The following PHLDB2 variants were observed in gnomAD, a reference collection of about 807,000 sequenced individuals.
The protein encoded by PHLDB2 is pleckstrin homology-like domain family B member 2.
A neutral mutation model predicts 123.6 loss-of-function variants in PHLDB2; 71 were observed. The ratio of observed to expected loss-of-function variants is 0.57; its 90% CI spans 0.47 to 0.70. PHLDB2 has a LOEUF of 0.70. Ranked by LOEUF, PHLDB2 falls within the 30% of genes least tolerant of loss-of-function variation. The probability of loss-of-function intolerance (pLI) is 0.00; values close to 1 mark genes in which losing one functional copy is unlikely to be tolerated. For synonymous variants in PHLDB2, 547 were observed against 541.6 expected (o/e 1.01, Z -0.14); for missense variants, 1,446 against 1,519.5 (o/e 0.95, Z 0.80).
chr3:111,774,205 C>A (rs892481082), intron 1 of PHLDB2, among the ~76,000 whole-genome samples: 1 of 152,144 alleles, frequency 6.6e-6, no homozygotes, highest in African/African-American at 2.4e-5. Context: ...CTCTTGGGAG[C>A]TCTAGGTAGG....
At position 111,967,793 on chromosome 3, in the gene PHLDB2, A is replaced by G; in HGVS notation, c.3284A>G (p.Glu1095Gly). 6.2e-7 allele frequency: 1 copy of G among 1,611,598 alleles called. No homozygotes were observed. The highest frequency in any genetic ancestry group is 8.5e-7 in the Non-Finnish European group (1 of 1,179,210). The change falls in exon 15 of 18, where the codon GAA becomes GGA. Residue 1095 changes from glutamate to glycine, a missense_variant. Coordinates refer to ENST00000431670, the MANE Select transcript of PHLDB2 (RefSeq NM_001134438.2). The part of the protein sequence containing the change: ...TSQRQKLIEK[E>G]VKIRERQRAQ... ...CAGAGGCAGAAGTTAATAGAAAAGG[A>G]AGTAAAAATAAGGGAGAGACAAAGG... is the stretch of plus-strand genomic sequence containing the variant.
chr3:111,923,022 T>A (rs7630129), intron 5 of PHLDB2, among the ~76,000 whole-genome samples: 132,172 of 152,216 alleles, frequency 0.87, 57,564 homozygotes, highest in Middle Eastern at 0.93. Flanking sequence ...TTATTATTTT[T>A]AAAATAAATT....
chr3:111,872,531 A>G (rs2065396130), intron 1 of PHLDB2, among the ~76,000 whole-genome samples: 1 of 152,238 alleles, frequency 6.6e-6, no homozygotes, highest in African/African-American at 2.4e-5. Context: ...GATGTGTGCA[A>G]TCACGTCCCT....
At chr3:111,760,453 T>C (rs1334748193) in intron 1 of PHLDB2, among the ~76,000 whole-genome samples, 1 of 152,176 alleles carries the variant, frequency 6.6e-6, no homozygotes, top group Non-Finnish European at 1.5e-5. Context: ...CAAAGTCAAA[T>C]AAAATTTTCT....
At chr3:111,788,593 T>G (rs1018198290) in intron 1 of PHLDB2, among the ~76,000 whole-genome samples, 2 of 152,234 alleles carry the variant, frequency 1.3e-5, no homozygotes, top group Non-Finnish European at 2.9e-5. Context: ...CCTAAGATGA[T>G]GCAGTAAGAT....
rs552343127 is a variant in PHLDB2, at chr3:111,761,384, G to A, written c.-49+28681G>A. ...AGTGGGTATGGGTACACATGGGAGT[G>A]TATAAAGCTCAAAGTCTCCTTATAC... is the stretch of plus-strand genomic sequence containing the variant. On this transcript the variant is annotated intron_variant, in intron 1 of 17. Transcript: ENST00000393923. 9.5e-4 allele frequency among the ~76,000 whole-genome samples: 144 copies of A among 152,238 alleles called. 1 individual carries two copies. Among genetic ancestry groups the A allele is most frequent in the Non-Finnish European group, 2.5e-4 (17 of 68,016 alleles).
intron 2 of PHLDB2, among the ~76,000 whole-genome samples, chr3:111,890,945 T>C (rs2066448597): frequency 6.6e-6 from 1 of 152,222 alleles, no homozygotes; most frequent in African/African-American, 2.4e-5. Flanking sequence ...AAACCAGTTA[T>C]CAAGCCTTGA....
intron 1 of PHLDB2, among the ~76,000 whole-genome samples, chr3:111,834,230 TA>T (rs2063272564): frequency 1.1e-5 from 1 of 88,092 alleles, no homozygotes; most frequent in Non-Finnish European, 1.7e-5. Context: ...ATATATATAT[TA>T]TGTATATAAT....
chr3:111,927,783 CTGTT>C (rs1317958777), intron 5 of PHLDB2, among the ~76,000 whole-genome samples: 6 of 152,180 alleles, frequency 3.9e-5, no homozygotes, highest in African/African-American at 1.4e-4. Context: ...CTTGAACCAT[CTGTT>C]TATCAAGTAT....
intron 17 of PHLDB2, among the ~76,000 whole-genome samples, chr3:111,974,087 A>G (rs889075150): frequency 2.0e-5 from 3 of 152,190 alleles, no homozygotes; most frequent in Admixed American, 6.5e-5. Flanking sequence ...AGAAGCTACC[A>G]TATAGTTAAG....
chr3:111,803,001 T>A (rs1050323214), intron 1 of PHLDB2, among the ~76,000 whole-genome samples: 1 of 152,186 alleles, frequency 6.6e-6, no homozygotes, highest in Non-Finnish European at 1.5e-5. Context: ...GCAACAAGGA[T>A]GTCACAGATT....
chr3:111,778,538 A>G (rs928715452), intron 1 of PHLDB2: 1 of 150,224 alleles, frequency 6.7e-6, no homozygotes, highest in Non-Finnish European at 1.5e-5. Context: ...AGGCTGCATT[A>G]AGGATTGCAA....
intron 1 of PHLDB2, among the ~76,000 whole-genome samples, chr3:111,775,816 G>T (rs6790825): frequency 0.27 from 40,695 of 151,888 alleles, 6,895 homozygotes; most frequent in African/African-American, 0.48. Flanking sequence ...GGAACCCATT[G>T]ATATCTTACT....
At chr3:111,918,965 G>C in intron 3 of PHLDB2, 107 bp from the exon 4 acceptor site, 2 of 1,129,462 alleles carry the variant, frequency 1.8e-6, no homozygotes, top group Non-Finnish European at 2.6e-6. Flanking sequence ...AAATCTACAT[G>C]GGCATGGAGA....
chr3:111,956,393 T>C (rs1471514795), intron 12 of PHLDB2, among the ~76,000 whole-genome samples: 1 of 152,204 alleles, frequency 6.6e-6, no homozygotes, highest in Non-Finnish European at 1.5e-5. Flanking sequence ...GGGAATCCCA[T>C]GCCAGTTTCA....
intron 1 of PHLDB2, among the ~76,000 whole-genome samples, chr3:111,762,592 G>A (rs1336767885): frequency 3.3e-5 from 5 of 152,102 alleles, no homozygotes; most frequent in African/African-American, 1.2e-4. Context: ...GCCCTCCCAA[G>A]AACCTGGCCA....
At chr3:111,863,878 C>T (rs902536243) in intron 1 of PHLDB2, among the ~76,000 whole-genome samples, 1 of 152,148 alleles carries the variant, frequency 6.6e-6, no homozygotes, top group Admixed American at 6.5e-5. Context: ...TAATTACAAA[C>T]ATGTATACTC....
intron 1 of PHLDB2, among the ~76,000 whole-genome samples, chr3:111,810,359 G>A (rs72949192): frequency 0.051 from 7,819 of 152,120 alleles, 627 homozygotes; most frequent in African/African-American, 0.17. Context: ...TAGACTGGGC[G>A]GCTTAAACAA....
exon 1 of PHLDB2, chr3:111,732,687 G>A: frequency 6.5e-7 from 1 of 1,535,600 alleles, no homozygotes; most frequent in South Asian, 1.2e-5. Flanking sequence ...AGTCGGGATT[G>A]AAAAGCAGCA....
Sources: allele counts gnomAD v4.1 joint callset (sites outside exome capture counted in the v4.1 genomes callset), GRCh38; gene constraint gnomAD v4.1.1; transcripts MANE v1.5; gene names NCBI Gene and HGNC (gene_info 2026-07-23, HGNC 2026-07-21).